The following UBE4B variants were observed in gnomAD, a reference collection of about 807,000 sequenced individuals.
UBE4B encodes ubiquitination factor E4B, also known as ubiquitin conjugation factor E4 B.
A neutral mutation model predicts 148.1 loss-of-function variants in UBE4B; 27 were observed. The ratio of observed to expected loss-of-function variants is 0.18; its 90% CI spans 0.13 to 0.25. UBE4B has a LOEUF of 0.25. Ranked by LOEUF, UBE4B falls within the 10% of genes least tolerant of loss-of-function variation. The pLI, the probability that UBE4B is intolerant of heterozygous loss-of-function variation, is 1.00. For missense variants in UBE4B, 1,170 were observed against 1,662.4 expected (o/e 0.70, Z 5.15); for synonymous variants, 596 against 619.3 (o/e 0.96, Z 0.56).
chr1:10,045,025 C>G (rs1643885095), intron 1 of UBE4B, among the ~76,000 whole-genome samples: 1 of 152,188 alleles, frequency 6.6e-6, no homozygotes, highest in Non-Finnish European at 1.5e-5. Context: ...GAGAAAGTGA[C>G]AGATCATCAG....
chr1:10,103,469 T>A (rs1417772987), intron 5 of UBE4B, among the ~76,000 whole-genome samples: 1 of 150,674 alleles, frequency 6.6e-6, no homozygotes, highest in East Asian at 1.9e-4. Flanking sequence ...AATCTCACCC[T>A]ATCACCAGGC....
chr1:10,155,446 G>A (rs1646053501), intron 21 of UBE4B, among the ~76,000 whole-genome samples: 1 of 152,214 alleles, frequency 6.6e-6, no homozygotes. Flanking sequence ...TCAGTGGCTA[G>A]CAAGTGGCAG....
At chr1:10,099,366 T>C (rs1165527579) in intron 3 of UBE4B, among the ~76,000 whole-genome samples, 3 of 152,144 alleles carry the variant, frequency 2.0e-5, no homozygotes, top group Non-Finnish European at 4.4e-5. Context: ...AAAACGTAAT[T>C]TTTAAAAAGG....
intron 1 of UBE4B, among the ~76,000 whole-genome samples, chr1:10,060,919 AT>A (rs1336569797): frequency 3.3e-5 from 5 of 151,910 alleles, no homozygotes; most frequent in Admixed American, 6.6e-5. Context: ...AATTTTTAAA[AT>A]TTTTTTGTAG....
chr1:10,170,953 A>T (rs932587326), intron 24 of UBE4B, 185 bp from the exon 25 acceptor site: 2 of 522,556 alleles, frequency 3.8e-6, no homozygotes, highest in Non-Finnish European at 6.5e-6. Context: ...GAATTATCAG[A>T]TCAGAAATGG....
intron 1 of UBE4B, among the ~76,000 whole-genome samples, chr1:10,044,171 G>A (rs868599474): frequency 6.6e-6 from 1 of 152,002 alleles, no homozygotes; most frequent in African/African-American, 2.4e-5. Context: ...TCAGCCTCCC[G>A]AGTAGCTGGG....
chr1:10,095,396 G>A lies in UBE4B; in HGVS notation c.212-65G>A, dbSNP rs1570877710. 7.5e-6 allele frequency: 12 copies of A among 1,592,538 alleles called. No individual in the cohort carries two copies. In the Admixed American group the frequency reaches 1.0e-4, roughly 14 times the overall value. On this transcript the variant is annotated intron_variant, in intron 2 of 27. Transcript: ENST00000343090. The stretch of plus-strand genomic sequence containing the variant: ...CTGCAGATTGTGCGTGTTTACTGTC[G>A]CTATTACAAATAACTTGAACATTAT...
chr1:10,179,914 G>A lies in UBE4B; in HGVS notation c.3867G>A (p.Gln1289=), dbSNP rs1646481617. The part of the protein sequence containing the change: ...MLEPVPELKE[Q]IQAWMREKQN... Reference sequence around the variant, plus strand: ...TCTCAGTGCCAGAACTGAAAGAGCAGATTCAGGCGTGGATGAGAGAGAAAC... The same window carrying A: ...TCTCAGTGCCAGAACTGAAAGAGCAAATTCAGGCGTGGATGAGAGAGAAAC... The change falls in exon 28 of 28, where the codon CAG becomes CAA. Residue 1289 remains glutamine, a synonymous_variant. Transcript: ENST00000343090. The A allele has an allele frequency of 1.2e-6, 2 of 1,614,096 alleles. No homozygotes were observed.
At chr1:10,144,379 A>G (rs1645833845) in intron 17 of UBE4B, among the ~76,000 whole-genome samples, 1 of 152,226 alleles carries the variant, frequency 6.6e-6, no homozygotes, top group Non-Finnish European at 1.5e-5. Context: ...AAAGATGATT[A>G]TATTCACCAA....
At chr1:10,165,117 G>T (rs1486610338) in intron 23 of UBE4B, among the ~76,000 whole-genome samples, 1 of 152,150 alleles carries the variant, frequency 6.6e-6, no homozygotes, top group East Asian at 1.9e-4. Context: ...GCTCAGATCT[G>T]ACTGCAGACT....
chr1:10,038,818 C>T (rs779489055), intron 1 of UBE4B, among the ~76,000 whole-genome samples: 4 of 152,026 alleles, frequency 2.6e-5, no homozygotes, highest in South Asian at 2.1e-4. Flanking sequence ...GAGTTGGGGC[C>T]GGGCGCGGTG....
chr1:10,145,229 C>T (rs993603857), intron 18 of UBE4B, 190 bp downstream of exon 18: 2 of 449,406 alleles, frequency 4.5e-6, no homozygotes, highest in Non-Finnish European at 8.0e-6. Context: ...ATTTCAGTCT[C>T]AGGACAGAAT....
At chr1:10,099,018 C>T (rs941595158) in intron 3 of UBE4B, among the ~76,000 whole-genome samples, 1 of 152,086 alleles carries the variant, frequency 6.6e-6, no homozygotes, top group Non-Finnish European at 1.5e-5. Flanking sequence ...GCAGACAGAT[C>T]ACTTGAGGTC....
rs201933475 is a variant in UBE4B, at chr1:10,095,296, TTTA to T, written c.212-159_212-157del. 9.4e-3 allele frequency among the ~76,000 whole-genome samples: 1,435 copies of T among 152,296 alleles called. 14 individuals are homozygous for T. The highest frequency in any genetic ancestry group is 0.015 in the Admixed American group (230 of 15,292). Reference sequence around the variant, plus strand: ...GATTTCTTAGTAATGTTCCTATGATTTTATTATTGTTTCCAGCTTTTTATATAA... The same window carrying T: ...GATTTCTTAGTAATGTTCCTATGATTTTATTGTTTCCAGCTTTTTATATAA... On this transcript the variant is annotated intron_variant, in intron 2 of 27. Transcript: ENST00000343090.
At chr1:10,066,869 G>A (rs986479213) in intron 1 of UBE4B, among the ~76,000 whole-genome samples, 6 of 152,112 alleles carry the variant, frequency 3.9e-5, no homozygotes, top group African/African-American at 1.2e-4. Flanking sequence ...TCACGCTACC[G>A]CACTCCAACC....
intron 1 of UBE4B, among the ~76,000 whole-genome samples, chr1:10,070,733 CT>C (rs1276734504): frequency 6.6e-6 from 1 of 152,078 alleles, no homozygotes; most frequent in African/African-American, 2.4e-5. Context: ...TAATTTTTCT[CT>C]TTCAATAAGA....
chr1:10,102,048 G>C (rs1029556950), intron 4 of UBE4B, among the ~76,000 whole-genome samples: 2 of 150,558 alleles, frequency 1.3e-5, no homozygotes, highest in Admixed American at 1.3e-4. Flanking sequence ...AAATTATTAG[G>C]AATCCTTTAG....
rs1324080314 is a variant in UBE4B at position 10,168,036 on chromosome 1, A to G, written c.3199-100A>G. 1.4e-6 allele frequency: 2 copies of G among 1,400,672 alleles called. No homozygotes were observed. The highest frequency in any genetic ancestry group is 1.9e-6 in the Non-Finnish European group (2 of 1,057,912). 86.8% of individuals were successfully genotyped at this position (1,400,672 alleles called of 1,614,324 possible). A position where few individuals can be genotyped will look rare whatever the true frequency, so the allele number is the denominator to read the frequency against. ...CAGGCGGTTCTGTCATTCCCTAAGC[A>G]TGTTGGGTTTATCACGCACTTTCCA... On this transcript the variant is annotated intron_variant, in intron 23 of 27. Transcript: ENST00000343090. The surrounding 1 kb of genome is among the most constrained non-coding windows in gnomAD (Gnocchi z 4.9).
chr1:10,139,345 C>T (rs953846262), intron 17 of UBE4B, among the ~76,000 whole-genome samples: 6 of 151,684 alleles, frequency 4.0e-5, no homozygotes, highest in East Asian at 1.9e-4. Flanking sequence ...GAGCCAAGAC[C>T]GAGCCACTGT....
Sources: allele counts gnomAD v4.1 joint callset (sites outside exome capture counted in the v4.1 genomes callset), GRCh38; gene constraint gnomAD v4.1.1; non-coding constraint Gnocchi (gnomAD v3.1); transcripts MANE v1.5; gene names NCBI Gene and HGNC (gene_info 2026-07-23, HGNC 2026-07-21).